The following SLC24A2 variants were observed in gnomAD, a reference collection of about 807,000 sequenced individuals.
SLC24A2 encodes solute carrier family 24 member 2.
SLC24A2 carries 36 observed loss-of-function variants against 62.0 expected under a neutral mutation model. The observed-to-expected ratio is 0.58, with a 90% confidence interval of 0.44 to 0.77. The LOEUF is 0.77. Ranked by LOEUF, SLC24A2 falls within the 30% of genes least tolerant of loss-of-function variation. SLC24A2 has a pLI of 0.00. For missense variants in SLC24A2, 846 were observed against 817.9 expected, an observed-to-expected ratio of 1.03 and a Z score of -0.42; for synonymous variants, 358 against 294.0, an observed-to-expected ratio of 1.22 and a Z score of -2.23.
the SLC24A2 span, among the ~76,000 whole-genome samples, chr9:19,861,036 C>T: frequency 1.3e-5 from 2 of 152,270 alleles, no homozygotes; most frequent in South Asian, 2.1e-4. Flanking sequence ...AGGAGATAGG[C>T]CTGGCTGGCT....
At chr9:20,185,088 G>A in the SLC24A2 span, among the ~76,000 whole-genome samples, 1 of 152,130 alleles carries the variant, frequency 6.6e-6, no homozygotes, top group Admixed American at 6.5e-5. Flanking sequence ...TCTGTGTTGA[G>A]CAGGGAGGGA....
chr9:19,682,825 T>A (rs1398213902), intron 2 of SLC24A2, among the ~76,000 whole-genome samples: 1 of 152,086 alleles, frequency 6.6e-6, no homozygotes, highest in African/African-American at 2.4e-5. Context: ...GGTGGAAAAT[T>A]TTTGAAGGTA....
At chr9:19,912,979 T>C in the SLC24A2 span, among the ~76,000 whole-genome samples, 3 of 152,238 alleles carry the variant, frequency 2.0e-5, no homozygotes, top group East Asian at 5.8e-4. Context: ...TTTATTAATA[T>C]TCTCTCCTTC....
intron 5 of SLC24A2, among the ~76,000 whole-genome samples, chr9:19,591,768 G>C (rs78426576): frequency 0.023 from 3,484 of 152,268 alleles, 53 homozygotes; most frequent in Non-Finnish European, 0.026. Context: ...GCCATGTCTT[G>C]TCTGCTACTC....
At chr9:19,894,190 G>C in the SLC24A2 span, among the ~76,000 whole-genome samples, 80 of 152,154 alleles carry the variant, frequency 5.3e-4, no homozygotes, top group Non-Finnish European at 9.8e-4. Flanking sequence ...GGGCTATGTG[G>C]TCCAGAGACT....
chr9:19,985,649 G>A, the SLC24A2 span, among the ~76,000 whole-genome samples: 73,622 of 151,932 alleles, frequency 0.48, 18,707 homozygotes, highest in Non-Finnish European at 0.55. Flanking sequence ...AATTATGGTT[G>A]TGGTGGTGGC....
the SLC24A2 span, chr9:19,895,853 C>A: frequency 6.2e-6 from 10 of 1,610,348 alleles, no homozygotes; most frequent in East Asian, 2.0e-4. Flanking sequence ...GTCAGGCCAG[C>A]AAAGAAGGGG....
chr9:19,821,491 C>T, the SLC24A2 span, among the ~76,000 whole-genome samples: 1 of 152,034 alleles, frequency 6.6e-6, no homozygotes, highest in Admixed American at 6.6e-5. Context: ...CAAACGAGAA[C>T]AGGACTGGCT....
chr9:20,307,195 A>C, the SLC24A2 span, among the ~76,000 whole-genome samples: 11 of 152,220 alleles, frequency 7.2e-5, no homozygotes, highest in African/African-American at 2.4e-4. Flanking sequence ...CACACAAAAA[A>C]ACAATTATTA....
At chr9:20,136,968 T>C in the SLC24A2 span, among the ~76,000 whole-genome samples, 1 of 152,124 alleles carries the variant, frequency 6.6e-6, no homozygotes, top group Non-Finnish European at 1.5e-5. Flanking sequence ...AAAAAGGGTG[T>C]GTTTACGCTA....
At chr9:19,638,846 T>C (rs1818422291) in intron 2 of SLC24A2, among the ~76,000 whole-genome samples, 1 of 152,144 alleles carries the variant, frequency 6.6e-6, no homozygotes, top group Non-Finnish European at 1.5e-5. Context: ...AATAAACAGA[T>C]ATAAGAAAAT....
In SLC24A2 at chr9:19,525,693, T is replaced by G. The variant is rs1228976831; in HGVS notation, c.1569+2356A>C. On this transcript the variant is annotated intron_variant, in intron 9 of 10. Transcript: ENST00000341998. ...TGCTGGGACTACAGGCATGACCCAC[T>G]GCAACCAGCCTGCAAGTTTTTACAA... Among the ~76,000 whole-genome samples, 3 of 151,252 alleles carry G rather than the reference T, an allele frequency of 2.0e-5. No individual in the cohort carries two copies. In the East Asian group the frequency reaches 5.8e-4, roughly 29 times the overall value.
At chr9:19,707,133 T>C (rs368795891) in intron 2 of SLC24A2, among the ~76,000 whole-genome samples, 47,404 of 149,308 alleles carry the variant, frequency 0.32, 7,852 homozygotes, top group African/African-American at 0.44. Flanking sequence ...AACACCTCTA[T>C]GCAAATAAAC....
chr9:20,014,613 G>A, the SLC24A2 span, among the ~76,000 whole-genome samples: 98 of 152,116 alleles, frequency 6.4e-4, no homozygotes, highest in South Asian at 2.1e-3. Flanking sequence ...ATTATGGTAA[G>A]TGAAATAAGC....
At chr9:19,845,370 C>T in the SLC24A2 span, among the ~76,000 whole-genome samples, 2 of 152,096 alleles carry the variant, frequency 1.3e-5, no homozygotes, top group Admixed American at 6.6e-5. Flanking sequence ...AATTTTGTAT[C>T]CTGACACTTT....
At chr9:19,787,427 A>G (rs1823208129) in intron 1 of SLC24A2, among the ~76,000 whole-genome samples, 1 of 152,180 alleles carries the variant, frequency 6.6e-6, no homozygotes, top group South Asian at 2.1e-4. Flanking sequence ...TTCTTTCAGA[A>G]CTGTCTAGGT....
chr9:20,033,384 G>A, the SLC24A2 span, among the ~76,000 whole-genome samples: 3 of 152,092 alleles, frequency 2.0e-5, no homozygotes, highest in Non-Finnish European at 4.4e-5. Context: ...TACCTAATAG[G>A]GATGTAATAC....
At chr9:20,066,515 C>A in the SLC24A2 span, among the ~76,000 whole-genome samples, 4 of 152,228 alleles carry the variant, frequency 2.6e-5, no homozygotes, top group Non-Finnish European at 2.9e-5. Flanking sequence ...ACTTGACTGT[C>A]TCACTCTGTG....
At chr9:19,670,993 T>G (rs2118314994) in intron 2 of SLC24A2, among the ~76,000 whole-genome samples, 1 of 111,504 alleles carries the variant, frequency 9.0e-6, no homozygotes, top group East Asian at 4.7e-4. Flanking sequence ...TACAAGGAGG[T>G]TTGATAATAA....
Sources: gnomAD v4.1 joint callset for allele counts (sites outside exome capture counted in the v4.1 genomes callset) on GRCh38, gnomAD v4.1.1 for gene constraint, MANE v1.5 for transcripts, NCBI Gene and HGNC (gene_info 2026-07-23, HGNC 2026-07-21) for gene names.